The following TRMT61B variants were observed in gnomAD, a reference collection of about 807,000 sequenced individuals.
TRMT61B encodes the protein tRNA (adenine(58)-N(1))-methyltransferase, mitochondrial.
TRMT61B carries 56 observed loss-of-function variants against 52.0 expected under a neutral mutation model. The ratio of observed to expected loss-of-function variants is 1.08; its 90% CI spans 0.87 to 1.35. The LOEUF is 1.35. Among genes scored for constraint, TRMT61B ranks in the 40% most tolerant of loss-of-function variants. The probability of loss-of-function intolerance (pLI) is 0.00; values close to 1 mark genes in which losing one functional copy is unlikely to be tolerated. For missense variants in TRMT61B, 650 were observed against 577.9 expected (o/e 1.12, Z -1.28); for synonymous variants, 206 against 220.0 (o/e 0.94, Z 0.56).
chr2:28,865,397 G>A (rs899014402), intron 1 of TRMT61B, among the ~76,000 whole-genome samples: 1 of 152,130 alleles, frequency 6.6e-6, no homozygotes, highest in Non-Finnish European at 1.5e-5. Flanking sequence ...ACAATTTATG[G>A]GAACAATCAC....
At chr2:28,850,488 C>G (rs1392178031) in intron 5 of TRMT61B, 83 bp from the exon 6 acceptor site, 5 of 902,990 alleles carry the variant, frequency 5.5e-6, no homozygotes, top group Admixed American at 5.4e-5. Context: ...ATGAGTTACT[C>G]TCTTTATTGT....
chr2:28,861,726 A>C (rs1208264311), intron 2 of TRMT61B, among the ~76,000 whole-genome samples: 1 of 152,260 alleles, frequency 6.6e-6, no homozygotes, highest in Non-Finnish European at 1.5e-5. Flanking sequence ...ATGCTAATAT[A>C]AACAATACTG....
chr2:28,865,208 G>T (rs1046382723), intron 1 of TRMT61B, 89 bp from the exon 2 acceptor site: 2 of 705,096 alleles, frequency 2.8e-6, no homozygotes, highest in East Asian at 5.5e-5. Flanking sequence ...GTGTGCAGAA[G>T]AAGGGAGTGA....
intron 3 of TRMT61B, among the ~76,000 whole-genome samples, chr2:28,854,701 T>C (rs1369238191): frequency 1.5e-5 from 2 of 129,516 alleles, no homozygotes; most frequent in Non-Finnish European, 3.1e-5. Context: ...ATCAGGCCAC[T>C]GCATTCCAGC....
In TRMT61B at chr2:28,870,245, C is replaced by A. The variant is rs773209513; in HGVS notation, c.33G>T (p.Leu11Phe). Residue 11 changes from leucine to phenylalanine, a missense_variant, in exon 1 of 7, where the codon TTG becomes TTT. Transcript: ENST00000306108. The stretch of plus-strand genomic sequence containing the variant: ...TTCCGAGCCCCTGCCGCAGGCACAG[C>A]AAGACAGGACCGCGGCACCATGCCA... MLMAWCRGPV[L>F]LCLRQGLGTN... is the part of the protein sequence containing the mutation. 132 of 1,602,146 alleles carry A rather than the reference C, an allele frequency of 8.2e-5. No homozygotes were observed. Among genetic ancestry groups the A allele is most frequent in the Non-Finnish European group, 1.1e-4 (126 of 1,176,018 alleles).
chr2:28,857,956 A>C (rs755454714), intron 3 of TRMT61B, among the ~76,000 whole-genome samples: 9 of 151,916 alleles, frequency 5.9e-5, no homozygotes, highest in Non-Finnish European at 1.3e-4. Flanking sequence ...AGATTTATTG[A>C]TGTAGCTAGA....
At chr2:28,866,238 G>A (rs4666121) in intron 1 of TRMT61B, among the ~76,000 whole-genome samples, 13,392 of 152,040 alleles carry the variant, frequency 0.088, 812 homozygotes, top group East Asian at 0.22. Flanking sequence ...TGATCTGCCC[G>A]CCTCGGCCTC....
At chr2:28,853,137 T>C (rs1020066654) in intron 3 of TRMT61B, among the ~76,000 whole-genome samples, 2 of 152,080 alleles carry the variant, frequency 1.3e-5, no homozygotes, top group Non-Finnish European at 2.9e-5. Context: ...AAACACGCCA[T>C]TACAACATGA....
At chr2:28,851,606 G>A (rs1192553744) in intron 4 of TRMT61B, among the ~76,000 whole-genome samples, 2 of 151,980 alleles carry the variant, frequency 1.3e-5, no homozygotes, top group Non-Finnish European at 2.9e-5. Flanking sequence ...TATAGGGTTG[G>A]GCGTGGGTCA....
At position 28,851,822 on chromosome 2, in the gene TRMT61B, C is replaced by G. The variant is rs190829674; in HGVS notation, c.1086-524G>C. Among the ~76,000 whole-genome samples the G allele has an allele frequency of 2.4e-5, 3 of 124,680 alleles. No homozygotes were observed. In the Admixed American group the frequency reaches 3.1e-4, roughly 13 times the overall value. 81.8% of individuals were successfully genotyped at this position (124,680 alleles called of 152,430 possible). ...TGAACCCAGGAGGCGGAGGTTGCAG[C>G]GAGCTGAGATCATGACACTGCACCC... is the stretch of plus-strand genomic sequence containing the variant. On this transcript the variant is annotated intron_variant, in intron 4 of 6. Transcript: ENST00000306108.
At position 28,870,032 on chromosome 2, in the gene TRMT61B, A is replaced by C; in HGVS notation, c.246T>G (p.Leu82=). The C allele has an allele frequency of 6.2e-7, 1 of 1,613,814 alleles. No individual in the cohort carries two copies. Among genetic ancestry groups the C allele is most frequent in the Non-Finnish European group, 8.5e-7 (1 of 1,180,012 alleles). ...LSISDIGTGC[L]SSLENLRLPT... ...GCAGTCTGAGGTTTTCCAGTGACGA[A>C]AGACATCCAGTCCCAATGTCCGAGA... Residue 82 remains leucine, a synonymous_variant, in exon 1 of 7, where the codon CTT becomes CTG. Coordinates refer to ENST00000306108, the MANE Select transcript of TRMT61B (RefSeq NM_017910.4).
chr2:28,854,090 T>C (rs1045644417), intron 3 of TRMT61B, among the ~76,000 whole-genome samples: 4 of 152,220 alleles, frequency 2.6e-5, no homozygotes, highest in Non-Finnish European at 5.9e-5. Flanking sequence ...ATTGTTTGTG[T>C]CTTTTAAAAA....
At chr2:28,869,538 C>A in intron 1 of TRMT61B, 41 bp downstream of exon 1, 2 of 1,416,388 alleles carry the variant, frequency 1.4e-6, no homozygotes, top group Admixed American at 1.8e-5. Context: ...CTGTCTTTGC[C>A]CCTCCTGAAA....
intron 3 of TRMT61B, among the ~76,000 whole-genome samples, chr2:28,853,006 T>C (rs1669189931): frequency 6.6e-6 from 1 of 152,158 alleles, no homozygotes; most frequent in African/African-American, 2.4e-5. Flanking sequence ...TGAAAAATCA[T>C]AATGATATGT....
chr2:28,865,191 TTGTTGGG>T, intron 1 of TRMT61B, 72 bp from the exon 2 acceptor site: 1 of 834,288 alleles, frequency 1.2e-6, no homozygotes, highest in Non-Finnish European at 2.0e-6. Context: ...TTATCTTACA[TTGTTGGG>T]TGTGCAGAAG....
intron 3 of TRMT61B, among the ~76,000 whole-genome samples, chr2:28,856,068 C>T (rs1669327090): frequency 6.6e-6 from 1 of 152,158 alleles, no homozygotes; most frequent in African/African-American, 2.4e-5. Flanking sequence ...TGTAGTTTTA[C>T]TATATTATTG....
At chr2:28,856,397 C>A (rs1034701929) in intron 3 of TRMT61B, among the ~76,000 whole-genome samples, 1 of 152,142 alleles carries the variant, frequency 6.6e-6, no homozygotes, top group South Asian at 2.1e-4. Flanking sequence ...AGACTCCCAG[C>A]CTCCATTCTT....
intron 2 of TRMT61B, among the ~76,000 whole-genome samples, chr2:28,863,971 A>G (rs1481589916): frequency 2.0e-5 from 3 of 152,174 alleles, no homozygotes; most frequent in Non-Finnish European, 4.4e-5. Flanking sequence ...AAGAGGTACT[A>G]ATCAACTAGC....
chr2:28,851,899 A>C (rs1317168410), intron 4 of TRMT61B, among the ~76,000 whole-genome samples: 3 of 149,462 alleles, frequency 2.0e-5, no homozygotes, highest in Non-Finnish European at 4.4e-5. Flanking sequence ...AAAAAAAAAA[A>C]AACGAAAAAA....
Sources: gnomAD v4.1 joint callset for allele counts (sites outside exome capture counted in the v4.1 genomes callset) on GRCh38, gnomAD v4.1.1 for gene constraint, MANE v1.5 for transcripts, NCBI Gene and HGNC (gene_info 2026-07-23, HGNC 2026-07-21) for gene names.